JMJD1C: variants seen among roughly 807,000 people sequenced by gnomAD.
JMJD1C encodes jumonji domain-containing protein 1C.
JMJD1C carries 31 observed loss-of-function variants against 245.3 expected under a neutral mutation model. The observed-to-expected ratio is 0.13, with a 90% CI of 0.09 to 0.17. The LOEUF is 0.17. Among genes scored for constraint, JMJD1C ranks in the 10% least tolerant of loss-of-function variants. JMJD1C has a pLI of 1.00. For missense variants in JMJD1C, 2,691 were observed against 3,000.2 expected, an observed-to-expected ratio of 0.90 and a Z score of 2.41; for synonymous variants, 1,057 against 1,017.4, an observed-to-expected ratio of 1.04 and a Z score of -0.74.
chr10:63,318,627 A>T (rs1328127351), intron 2 of JMJD1C, among the ~76,000 whole-genome samples: 1 of 152,174 alleles, frequency 6.6e-6, no homozygotes, highest in Non-Finnish European at 1.5e-5. Context: ...ACGTAAGTTC[A>T]ACATTCCTGG....
intron 2 of JMJD1C, among the ~76,000 whole-genome samples, chr10:63,374,372 A>C (rs953310267): frequency 7.2e-5 from 11 of 152,318 alleles, no homozygotes; most frequent in Admixed American, 7.2e-4. Flanking sequence ...CTTAGGATGT[A>C]AAACTCCTCC....
At chr10:63,320,780 C>T (rs1940754213) in intron 2 of JMJD1C, among the ~76,000 whole-genome samples, 1 of 152,146 alleles carries the variant, frequency 6.6e-6, no homozygotes, top group South Asian at 2.1e-4. Flanking sequence ...GTTCCTGACA[C>T]CGAGCTCCTA....
At chr10:63,202,551 C>G (rs1846144237) in intron 10 of JMJD1C, 2 of 985,274 alleles carry the variant, frequency 2.0e-6, no homozygotes, top group Non-Finnish European at 2.4e-6. Flanking sequence ...CATTTGAAAT[C>G]AGGTCCAATT....
chr10:63,181,187 G>A (rs56156135), intron 22 of JMJD1C, among the ~76,000 whole-genome samples: 3,224 of 152,178 alleles, frequency 0.021, 109 homozygotes, highest in African/African-American at 0.072. Context: ...TAGAGAGTTT[G>A]AAATGTTCTC....
At chr10:63,433,581 CTTTTCTT>C (rs1564915601) in intron 1 of JMJD1C, among the ~76,000 whole-genome samples, 6 of 140,172 alleles carry the variant, frequency 4.3e-5, no homozygotes, top group South Asian at 2.3e-4. Flanking sequence ...CTTTTCTTTT[CTTTTCTT>C]TTTTTTTTTT....
chr10:63,304,410 T>TAA (rs147665768), intron 2 of JMJD1C, among the ~76,000 whole-genome samples: 3 of 151,564 alleles, frequency 2.0e-5, no homozygotes, highest in Admixed American at 6.6e-5. Flanking sequence ...GCCAGGAATT[T>TAA]AAAAAAAACA....
At chr10:63,261,980 G>C (rs1372302634) in intron 3 of JMJD1C, among the ~76,000 whole-genome samples, 1 of 152,098 alleles carries the variant, frequency 6.6e-6, no homozygotes, top group African/African-American at 2.4e-5. Flanking sequence ...TTTCCAAAGA[G>C]AATTTTCCCC....
At chr10:63,425,995 A>C (rs1480738187) in intron 1 of JMJD1C, among the ~76,000 whole-genome samples, 1 of 152,232 alleles carries the variant, frequency 6.6e-6, no homozygotes, top group Non-Finnish European at 1.5e-5. Context: ...AACAAATTTT[A>C]AGACATTTTT....
At chr10:63,431,976 C>T (rs1950784351) in intron 1 of JMJD1C, among the ~76,000 whole-genome samples, 1 of 152,198 alleles carries the variant, frequency 6.6e-6, no homozygotes, top group African/African-American at 2.4e-5. Context: ...GGCGTCACTG[C>T]ACTCCAGCCT....
At chr10:63,202,662 A>C (rs1233618065) in intron 10 of JMJD1C, 1 of 985,338 alleles carries the variant, frequency 1.0e-6, no homozygotes, top group Non-Finnish European at 1.2e-6. Flanking sequence ...AATCCACTAG[A>C]GAAACACCCA....
intron 2 of JMJD1C, among the ~76,000 whole-genome samples, chr10:63,280,287 C>A (rs917825359): frequency 6.6e-6 from 1 of 152,126 alleles, no homozygotes; most frequent in Non-Finnish European, 1.5e-5. Context: ...CGGTTGCTCA[C>A]GCCTGTAATC....
chr10:63,353,036 T>A lies in JMJD1C; in HGVS notation c.333+27282A>T, dbSNP rs10822160. ...GGACATACAGTCTACGAGGAGAGAC[T>A]GATGGTCATCAAACAACATAAAATA... is the stretch of plus-strand genomic sequence containing the variant. On this transcript the variant is annotated intron_variant, in intron 2 of 25. Coordinates refer to ENST00000399262, the MANE Select transcript of JMJD1C (RefSeq NM_032776.3). Among the ~76,000 whole-genome samples the A allele has an allele frequency of 1.2e-4, 19 of 152,030 alleles. No individual in the cohort carries two copies. The East Asian group carries it at 3.3e-3, about 26-fold the overall frequency.
Position 63,222,204 on chromosome 10 carries a change from T to C in JMJD1C, c.448-2221A>G, listed in dbSNP as rs549281736. ...ATTGTTATCAACTTGACTGACACCA[T>C]GTTCAGAGGAATTTATAGGGGGGTT... On this transcript the variant is annotated intron_variant, in intron 3 of 25. Transcript: ENST00000399262. 2.5e-5 allele frequency: 19 copies of C among 759,474 alleles called. 1 individual carries two copies. Among genetic ancestry groups the C allele is most frequent in the African/African-American group, 1.2e-4 (7 of 58,794 alleles). The allele number at this position is 759,474 out of a possible 1,614,324, so 47.0% of individuals were successfully genotyped here.
At chr10:63,507,929 T>C (rs1327877149) in intron 1 of JMJD1C, among the ~76,000 whole-genome samples, 1 of 152,238 alleles carries the variant, frequency 6.6e-6, no homozygotes, top group Non-Finnish European at 1.5e-5. Context: ...GTTTATATTC[T>C]TACTGTTGAC....
chr10:63,478,548 A>C (rs1953731315), intron 1 of JMJD1C, among the ~76,000 whole-genome samples: 2 of 152,218 alleles, frequency 1.3e-5, no homozygotes, highest in African/African-American at 4.8e-5. Context: ...CAAAAGAAAC[A>C]TTATACTTTT....
At position 63,320,256 on chromosome 10, in the gene JMJD1C, G is replaced by T. The variant is rs138356944; in HGVS notation, c.334-55492C>A. 7.0e-4 allele frequency among the ~76,000 whole-genome samples: 106 copies of T among 151,546 alleles called. No individual in the cohort carries two copies. The East Asian group carries it at 0.02, about 28-fold the overall frequency. The stretch of plus-strand genomic sequence containing the variant: ...TGATATTGAGTAATTTTTTCTTTTA[G>T]ATTTTATTTCATATTATCTTCCTCT... On this transcript the variant is annotated intron_variant, in intron 2 of 25. Coordinates refer to ENST00000399262, the MANE Select transcript of JMJD1C (RefSeq NM_032776.3).
chr10:63,278,715 T>G (rs1857073439), intron 2 of JMJD1C, among the ~76,000 whole-genome samples: 1 of 151,782 alleles, frequency 6.6e-6, no homozygotes, highest in South Asian at 2.1e-4. Context: ...GACACATGCC[T>G]GTAATCCCAG....
intron 1 of JMJD1C, among the ~76,000 whole-genome samples, chr10:63,458,896 G>C (rs1952598703): frequency 6.6e-6 from 1 of 151,826 alleles, no homozygotes. Context: ...GCTACTTTTT[G>C]TATTTTCAGT....
At chr10:63,387,285 T>C (rs1004774302) in intron 1 of JMJD1C, among the ~76,000 whole-genome samples, 5 of 152,084 alleles carry the variant, frequency 3.3e-5, no homozygotes, top group African/African-American at 1.2e-4. Flanking sequence ...TGTGAATCCA[T>C]GATAATAAAT....
Sources: allele counts gnomAD v4.1 joint callset (sites outside exome capture counted in the v4.1 genomes callset), GRCh38; gene constraint gnomAD v4.1.1; transcripts MANE v1.5; gene names NCBI Gene and HGNC (gene_info 2026-07-23, HGNC 2026-07-21).